PRKD1: variants seen among roughly 807,000 people sequenced by gnomAD.
The protein encoded by PRKD1 is serine/threonine-protein kinase D1.
PRKD1 carries 63 observed loss-of-function variants against 95.9 expected under a neutral mutation model. The observed-to-expected ratio is 0.66, with a 90% CI of 0.54 to 0.81. The LOEUF (loss-of-function observed/expected upper bound fraction) is 0.81. Ranked by LOEUF, PRKD1 falls within the 30% of genes least tolerant of loss-of-function variation. The probability of loss-of-function intolerance (pLI) is 0.00; values close to 1 mark genes in which losing one functional copy is unlikely to be tolerated. For missense variants in PRKD1, 1,048 were observed against 1,165.3 expected, an observed-to-expected ratio of 0.90 and a Z score of 1.47; for synonymous variants, 425 against 423.1, an observed-to-expected ratio of 1.00 and a Z score of -0.05.
intron 1 of PRKD1, among the ~76,000 whole-genome samples, chr14:29,780,843 C>T (rs1004767852): frequency 6.6e-6 from 1 of 151,974 alleles, no homozygotes; most frequent in Non-Finnish European, 1.5e-5. Context: ...TGCACACGTA[C>T]GTTTATTCCA....
intron 1 of PRKD1, among the ~76,000 whole-genome samples, chr14:29,753,813 G>A (rs190389645): frequency 1.3e-5 from 2 of 152,170 alleles, no homozygotes; most frequent in Admixed American, 1.3e-4. Context: ...TTGATGTCTA[G>A]TATATTCTAC....
intron 16 of PRKD1, among the ~76,000 whole-genome samples, chr14:29,581,371 CT>C (rs1281620272): frequency 1.3e-5 from 2 of 152,072 alleles, no homozygotes; most frequent in East Asian, 3.9e-4. Flanking sequence ...GGTTTTCATT[CT>C]TTTTTAAAAA....
intron 1 of PRKD1, among the ~76,000 whole-genome samples, chr14:29,810,899 G>A (rs1452497288): frequency 2.0e-5 from 3 of 152,124 alleles, no homozygotes; most frequent in Non-Finnish European, 4.4e-5. Flanking sequence ...AAGATGCAAG[G>A]GTTTTATTGT....
intron 1 of PRKD1, among the ~76,000 whole-genome samples, chr14:29,892,310 AT>A (rs1222208952): frequency 6.6e-6 from 1 of 151,990 alleles, no homozygotes; most frequent in Non-Finnish European, 1.5e-5. Flanking sequence ...TGGATTTTCC[AT>A]TTTCTTTAAA....
intron 16 of PRKD1, among the ~76,000 whole-genome samples, chr14:29,587,392 T>C (rs1594340730): frequency 6.6e-6 from 1 of 152,184 alleles, no homozygotes; most frequent in East Asian, 1.9e-4. Context: ...ATATTTTTGT[T>C]GATCCTCTAT....
intron 2 of PRKD1, among the ~76,000 whole-genome samples, chr14:29,669,088 TTAAA>T (rs1425678555): frequency 6.6e-6 from 1 of 152,216 alleles, no homozygotes; most frequent in African/African-American, 2.4e-5. Context: ...AAGAGTACAA[TTAAA>T]TACATATAAC....
chr14:29,674,166 C>A (rs1465466342), intron 2 of PRKD1, among the ~76,000 whole-genome samples: 11 of 152,082 alleles, frequency 7.2e-5, no homozygotes, highest in Non-Finnish European at 2.9e-5. Flanking sequence ...ATTATTGTCA[C>A]AACCATCATT....
intron 1 of PRKD1, among the ~76,000 whole-genome samples, chr14:29,740,500 C>G (rs1388492684): frequency 6.6e-6 from 1 of 152,148 alleles, no homozygotes; most frequent in African/African-American, 2.4e-5. Flanking sequence ...GAGCTAGTCT[C>G]TTGAATTTTA....
rs574770205 is a variant in PRKD1 at position 29,733,793 on chromosome 14, T to C, written c.265-8119A>G. On this transcript the variant is annotated intron_variant, in intron 1 of 17. Transcript: ENST00000331968. ...GATTACAATTCAAGATGAGATTTGG[T>C]TGGGGACACAAAGCCTAACCATATA... Among the ~76,000 whole-genome samples, 19 of 152,220 alleles carry C rather than the reference T, an allele frequency of 1.2e-4. 1 individual carries two copies. The East Asian group carries it at 3.5e-3, about 28-fold the overall frequency.
intron 1 of PRKD1, among the ~76,000 whole-genome samples, chr14:29,883,260 C>T (rs1283224410): frequency 6.6e-6 from 1 of 152,158 alleles, no homozygotes; most frequent in Admixed American, 6.5e-5. Context: ...CCAGGCCCCA[C>T]CTCCGCATTA....
At chr14:29,745,832 C>T (rs1887188887) in intron 1 of PRKD1, among the ~76,000 whole-genome samples, 1 of 152,076 alleles carries the variant, frequency 6.6e-6, no homozygotes. Context: ...AATGATTTAT[C>T]AATGGAGGGT....
At chr14:29,745,680 T>C (rs1887181530) in intron 1 of PRKD1, among the ~76,000 whole-genome samples, 1 of 152,050 alleles carries the variant, frequency 6.6e-6, no homozygotes, top group Non-Finnish European at 1.5e-5. Flanking sequence ...TCTCACTATG[T>C]TGCCCAGGCT....
intron 4 of PRKD1, among the ~76,000 whole-genome samples, chr14:29,662,744 C>T (rs1040648041): frequency 1.3e-5 from 2 of 151,914 alleles, no homozygotes; most frequent in African/African-American, 4.8e-5. Context: ...GAATTTGTTA[C>T]CACTCTCCAC....
intron 4 of PRKD1, among the ~76,000 whole-genome samples, chr14:29,644,916 C>G (rs992730177): frequency 6.6e-6 from 1 of 151,710 alleles, no homozygotes; most frequent in Non-Finnish European, 1.5e-5. Flanking sequence ...TTTTATACAA[C>G]TATTTTCATA....
chr14:29,784,542 T>C (rs2139176938), intron 1 of PRKD1, among the ~76,000 whole-genome samples: 1 of 152,338 alleles, frequency 6.6e-6, no homozygotes, highest in South Asian at 2.1e-4. Flanking sequence ...TGTTTTTCCA[T>C]TTGTTTCTGT....
chr14:29,711,126 T>G (rs1423342845), intron 2 of PRKD1, among the ~76,000 whole-genome samples: 3 of 152,128 alleles, frequency 2.0e-5, no homozygotes, highest in Non-Finnish European at 4.4e-5. Context: ...TGAATCTATT[T>G]GACTCAACAG....
chr14:29,686,342 G>A (rs1883869149), intron 2 of PRKD1, among the ~76,000 whole-genome samples: 1 of 152,204 alleles, frequency 6.6e-6, no homozygotes, highest in Non-Finnish European at 1.5e-5. Context: ...ACCACAGGCA[G>A]TGTGTCAGTT....
intron 2 of PRKD1, among the ~76,000 whole-genome samples, chr14:29,673,120 G>A (rs1882962473): frequency 6.6e-6 from 1 of 152,170 alleles, no homozygotes. Flanking sequence ...CTCCTGCCAG[G>A]AAGATGTTGC....
At chr14:29,868,600 A>T (rs1892993677) in intron 1 of PRKD1, among the ~76,000 whole-genome samples, 1 of 152,158 alleles carries the variant, frequency 6.6e-6, no homozygotes, top group Non-Finnish European at 1.5e-5. Flanking sequence ...ATAATAGAGG[A>T]ATGAGAGGTG....
Sources: allele counts gnomAD v4.1 joint callset (sites outside exome capture counted in the v4.1 genomes callset), GRCh38; gene constraint gnomAD v4.1.1; transcripts MANE v1.5; gene names NCBI Gene and HGNC (gene_info 2026-07-23, HGNC 2026-07-21).